The following COL21A1 variants were observed in gnomAD, a reference collection of about 807,000 sequenced individuals.
COL21A1 encodes collagen type XXI alpha 1 chain.
A neutral mutation model predicts 137.9 loss-of-function variants in COL21A1; 149 were observed. The observed-to-expected ratio is 1.08, with a 90% CI of 0.95 to 1.24. The LOEUF (loss-of-function observed/expected upper bound fraction) is 1.24. Ranked by LOEUF, COL21A1 falls within the 50% of genes most tolerant of loss-of-function variation. The pLI is 0.00. For synonymous variants in COL21A1, 456 were observed against 391.5 expected, an observed-to-expected ratio of 1.16 and a Z score of -1.95; for missense variants, 1,167 against 1,158.4, an observed-to-expected ratio of 1.01 and a Z score of -0.11.
At chr6:56,198,625 G>A (rs1779186978) in intron 1 of COL21A1, among the ~76,000 whole-genome samples, 1 of 151,978 alleles carries the variant, frequency 6.6e-6, no homozygotes. Context: ...GGCATACTAA[G>A]CAAACAAAAA....
intron 1 of COL21A1, among the ~76,000 whole-genome samples, chr6:56,229,151 C>A (rs1781389084): frequency 6.6e-6 from 1 of 151,802 alleles, no homozygotes; most frequent in African/African-American, 2.4e-5. Flanking sequence ...AAGGCTGAGG[C>A]AGGAGAATTG....
chr6:56,302,646 T>C (rs964005283), intron 1 of COL21A1, among the ~76,000 whole-genome samples: 3 of 152,172 alleles, frequency 2.0e-5, no homozygotes, highest in Non-Finnish European at 4.4e-5. Context: ...GTCAGATGAG[T>C]AGGTTGCAAA....
chr6:56,078,401 A>T (rs62404862), intron 17 of COL21A1, among the ~76,000 whole-genome samples: 22,960 of 151,506 alleles, frequency 0.15, 1,743 homozygotes, highest in Middle Eastern at 0.22. Flanking sequence ...GAGCTGAAAC[A>T]GTTAACAACA....
At chr6:56,074,320 A>G in intron 19 of COL21A1, 35 bp from the exon 20 acceptor site, 1 of 1,403,980 alleles carries the variant, frequency 7.1e-7, no homozygotes, top group Non-Finnish European at 9.8e-7. Flanking sequence ...AGAGTAACTT[A>G]GAGAAGATTA....
At chr6:56,095,590 T>G (rs2114225263) in intron 17 of COL21A1, among the ~76,000 whole-genome samples, 1 of 152,290 alleles carries the variant, frequency 6.6e-6, no homozygotes, top group South Asian at 2.1e-4. Context: ...AAAGCTCACC[T>G]ACTGTTTCTG....
At chr6:56,149,516 A>C (rs1237212406) in intron 10 of COL21A1, among the ~76,000 whole-genome samples, 2 of 152,136 alleles carry the variant, frequency 1.3e-5, no homozygotes, top group Non-Finnish European at 2.9e-5. Flanking sequence ...CAAGAAGAGA[A>C]CTCATCCTAA....
At chr6:56,321,453 A>G (rs1764865342) in intron 1 of COL21A1, among the ~76,000 whole-genome samples, 1 of 152,188 alleles carries the variant, frequency 6.6e-6, no homozygotes, top group Admixed American at 6.6e-5. Flanking sequence ...AAATGTGGTT[A>G]TGTTATACAT....
intron 16 of COL21A1, among the ~76,000 whole-genome samples, chr6:56,108,616 A>G (rs1041466081): frequency 2.0e-5 from 3 of 151,956 alleles, no homozygotes; most frequent in African/African-American, 7.2e-5. Context: ...ACAGAAGGTG[A>G]AAGAAAAAAT....
intron 12 of COL21A1, among the ~76,000 whole-genome samples, chr6:56,133,379 C>A (rs1233308505): frequency 6.6e-6 from 1 of 152,108 alleles, no homozygotes; most frequent in Non-Finnish European, 1.5e-5. Flanking sequence ...GAGTATCTGG[C>A]AGAAGAAATT....
chr6:56,181,612 TA>T (rs1777898282), intron 2 of COL21A1, among the ~76,000 whole-genome samples: 1 of 152,138 alleles, frequency 6.6e-6, no homozygotes, highest in African/African-American at 2.4e-5. Flanking sequence ...TTCATAACTG[TA>T]AAGTTAGTCA....
intron 5 of COL21A1, among the ~76,000 whole-genome samples, chr6:56,169,280 C>A (rs1051302126): frequency 6.6e-6 from 1 of 151,970 alleles, no homozygotes; most frequent in South Asian, 2.1e-4. Flanking sequence ...TAATCTCTCT[C>A]CCTACAGTTC....
intron 17 of COL21A1, among the ~76,000 whole-genome samples, chr6:56,098,568 T>TATATAA (rs1562193181): frequency 6.8e-5 from 1 of 14,672 alleles, no homozygotes; most frequent in African/African-American, 3.0e-4. Flanking sequence ...AATATATAAA[T>TATATAA]ATATATAAAT....
chr6:56,130,963 A>T (rs1196971329), intron 12 of COL21A1, among the ~76,000 whole-genome samples: 1 of 152,194 alleles, frequency 6.6e-6, no homozygotes, highest in Non-Finnish European at 1.5e-5. Flanking sequence ...CAGGATGGGC[A>T]TGTAACATAA....
At chr6:56,206,230 A>G (rs1779771987) in intron 1 of COL21A1, among the ~76,000 whole-genome samples, 1 of 152,066 alleles carries the variant, frequency 6.6e-6, no homozygotes, top group Admixed American at 6.6e-5. Flanking sequence ...TGCTGTATCC[A>G]GGAGATCCAA....
chr6:56,311,942 G>A (rs551746055), intron 1 of COL21A1, among the ~76,000 whole-genome samples: 24 of 152,198 alleles, frequency 1.6e-4, no homozygotes, highest in Admixed American at 2.6e-4. Context: ...AAAAATGACA[G>A]CGAGGATGAG....
At chr6:56,174,395 G>C (rs9475585) in intron 3 of COL21A1, among the ~76,000 whole-genome samples, 1,631 of 151,844 alleles carry the variant, frequency 0.011, 27 homozygotes, top group African/African-American at 0.037. Context: ...TGCTTTTTTG[G>C]AAAAATCAAC....
chr6:56,198,707 T>A (rs1022315007), intron 1 of COL21A1, among the ~76,000 whole-genome samples: 7 of 152,082 alleles, frequency 4.6e-5, no homozygotes, highest in African/African-American at 1.7e-4. Flanking sequence ...ATTTCACATG[T>A]CATTTGGAAA....
chr6:56,187,924 A>C (rs1403215608), intron 1 of COL21A1, among the ~76,000 whole-genome samples: 3 of 152,190 alleles, frequency 2.0e-5, no homozygotes, highest in East Asian at 3.8e-4. Flanking sequence ...CTCATATCAG[A>C]AAACATATAG....
chr6:56,374,208 CCTTACAAAGA>C (rs1047683096), intron 1 of COL21A1, among the ~76,000 whole-genome samples: 1 of 152,146 alleles, frequency 6.6e-6, no homozygotes, highest in Admixed American at 6.5e-5. Context: ...TGGAAGACCA[CCTTACAAAGA>C]CCTTACGGAA....
Sources: allele counts gnomAD v4.1 joint callset (sites outside exome capture counted in the v4.1 genomes callset), GRCh38; gene constraint gnomAD v4.1.1; transcripts MANE v1.5; gene names NCBI Gene and HGNC (gene_info 2026-07-23, HGNC 2026-07-21).